Variants in HS3ST5 observed in about 807,000 individuals in gnomAD.
HS3ST5 encodes heparan sulfate-glucosamine 3-sulfotransferase 5, also known as heparan sulfate glucosamine 3-O-sulfotransferase 5.
A neutral mutation model predicts 25.4 loss-of-function variants in HS3ST5; 10 were observed. The observed-to-expected ratio is 0.39, with a 90% confidence interval of 0.24 to 0.67. The LOEUF is 0.67. HS3ST5 is among the 30% of genes least tolerant of loss of function. HS3ST5 has a pLI of 0.44. For missense variants in HS3ST5, 324 were observed against 420.7 expected (o/e 0.77, Z 2.01); for synonymous variants, 170 against 162.4 (o/e 1.05, Z -0.36).
intron 1 of HS3ST5, among the ~76,000 whole-genome samples, chr6:114,272,438 G>A (rs1021644266): frequency 3.9e-5 from 6 of 152,126 alleles, no homozygotes; most frequent in Non-Finnish European, 2.9e-5. Flanking sequence ...TGACACACAT[G>A]TTTTTAAGCT....
intron 3 of HS3ST5, among the ~76,000 whole-genome samples, chr6:114,069,558 C>G (rs530524159): frequency 7.2e-6 from 1 of 138,420 alleles, no homozygotes; most frequent in Non-Finnish European, 1.5e-5. Context: ...CTCGCTCTGT[C>G]GCCAGGCTGG....
At chr6:114,196,290 G>C (rs1328807138) in intron 2 of HS3ST5, among the ~76,000 whole-genome samples, 3 of 152,162 alleles carry the variant, frequency 2.0e-5, no homozygotes, top group Non-Finnish European at 4.4e-5. Flanking sequence ...AGGGAAATTA[G>C]TATGGGGGTC....
chr6:114,121,342 C>T (rs1027473068), intron 3 of HS3ST5, among the ~76,000 whole-genome samples: 4 of 152,144 alleles, frequency 2.6e-5, no homozygotes, highest in Admixed American at 6.5e-5. Flanking sequence ...ACTCCTAGGA[C>T]GTCCAAAAGA....
intron 2 of HS3ST5, among the ~76,000 whole-genome samples, chr6:114,225,471 A>T (rs932202144): frequency 6.6e-6 from 1 of 151,960 alleles, no homozygotes; most frequent in East Asian, 1.9e-4. Context: ...TTATTTTAGG[A>T]TGAAGAAACA....
At chr6:114,323,276 A>T (rs1051023462) in intron 1 of HS3ST5, among the ~76,000 whole-genome samples, 5 of 152,168 alleles carry the variant, frequency 3.3e-5, no homozygotes, top group Admixed American at 1.3e-4. Flanking sequence ...GAAAGATAGC[A>T]TATGTAAAAC....
intron 1 of HS3ST5, among the ~76,000 whole-genome samples, chr6:114,249,338 T>C (rs567302957): frequency 6.6e-6 from 1 of 152,354 alleles, no homozygotes; most frequent in East Asian, 1.9e-4. Context: ...CAAATGTCTT[T>C]TACCTTACTC....
intron 3 of HS3ST5, among the ~76,000 whole-genome samples, chr6:114,118,398 T>A (rs1354839100): frequency 1.3e-5 from 2 of 152,208 alleles, no homozygotes; most frequent in Non-Finnish European, 1.5e-5. Context: ...AAGAGTCTGA[T>A]GTTCTTTCTT....
intron 1 of HS3ST5, among the ~76,000 whole-genome samples, chr6:114,288,984 T>A (rs889140864): frequency 5.9e-5 from 9 of 152,086 alleles, no homozygotes; most frequent in Non-Finnish European, 1.0e-4. Context: ...ACATGGTTCC[T>A]GGGACAGAGA....
At chr6:114,222,018 C>A (rs1451493391) in intron 2 of HS3ST5, among the ~76,000 whole-genome samples, 2 of 151,764 alleles carry the variant, frequency 1.3e-5, no homozygotes, top group Non-Finnish European at 3.0e-5. Flanking sequence ...GATTATTAAA[C>A]AAAGAAAATT....
intron 1 of HS3ST5, among the ~76,000 whole-genome samples, chr6:114,229,694 G>A (rs568666784): frequency 6.6e-6 from 1 of 152,296 alleles, no homozygotes; most frequent in African/African-American, 2.4e-5. Context: ...TAAGAAGTAT[G>A]CTGGGTAAGA....
chr6:114,088,738 A>G (rs551183820), intron 3 of HS3ST5, among the ~76,000 whole-genome samples: 112 of 152,352 alleles, frequency 7.4e-4, no homozygotes, highest in African/African-American at 2.5e-3. Context: ...ATGTGTGTAT[A>G]TATATACATA....
intron 2 of HS3ST5, among the ~76,000 whole-genome samples, chr6:114,209,983 G>A (rs1781442710): frequency 6.6e-6 from 1 of 152,060 alleles, no homozygotes; most frequent in Admixed American, 6.6e-5. Context: ...TACTCAAATA[G>A]AATTTTGACA....
intron 1 of HS3ST5, among the ~76,000 whole-genome samples, chr6:114,236,212 C>T (rs1771848235): frequency 6.6e-6 from 1 of 152,188 alleles, no homozygotes; most frequent in Non-Finnish European, 1.5e-5. Flanking sequence ...CTCATTAAGA[C>T]ATCTGCCATT....
At chr6:114,084,969 C>T (rs941925056) in intron 3 of HS3ST5, among the ~76,000 whole-genome samples, 34 of 151,494 alleles carry the variant, frequency 2.2e-4, no homozygotes, top group African/African-American at 8.2e-4. Flanking sequence ...GTAGCTGGGA[C>T]TACAGGTGCG....
chr6:114,084,575 T>G (rs1203679444), intron 3 of HS3ST5: 3 of 766,218 alleles, frequency 3.9e-6, no homozygotes, highest in Non-Finnish European at 7.1e-6. Flanking sequence ...TTGCACGGGA[T>G]GGCAAAGTCC....
chr6:114,142,294 G>C (rs1006786812), intron 3 of HS3ST5, among the ~76,000 whole-genome samples: 1 of 152,176 alleles, frequency 6.6e-6, no homozygotes, highest in Non-Finnish European at 1.5e-5. Context: ...CATGGAAAAA[G>C]TCCTGGGTCA....
chr6:114,149,283 CAT>C (rs1251626268), intron 3 of HS3ST5, among the ~76,000 whole-genome samples: 7 of 152,270 alleles, frequency 4.6e-5, no homozygotes, highest in African/African-American at 1.7e-4. Context: ...CATGCACACA[CAT>C]GTTTATTGAA....
At chr6:114,276,151 A>C (rs752901384) in intron 1 of HS3ST5, among the ~76,000 whole-genome samples, 1 of 143,196 alleles carries the variant, frequency 7.0e-6, no homozygotes, top group Non-Finnish European at 1.5e-5. Flanking sequence ...CAAGGGGGGA[A>C]ATTGGAAACC....
At chr6:114,224,153 A>G (rs1219501432) in intron 2 of HS3ST5, among the ~76,000 whole-genome samples, 1 of 151,592 alleles carries the variant, frequency 6.6e-6, no homozygotes, top group East Asian at 1.9e-4. Context: ...ACCTTTGCCT[A>G]TCCTTTCATT....
Sources: allele counts gnomAD v4.1 joint callset (sites outside exome capture counted in the v4.1 genomes callset), GRCh38; gene constraint gnomAD v4.1.1; transcripts MANE v1.5; gene names NCBI Gene and HGNC (gene_info 2026-07-23, HGNC 2026-07-21).